YPEL1: variants seen among roughly 807,000 people sequenced by gnomAD.
YPEL1 encodes yippee like 1.
In YPEL1, 7 loss-of-function variants were observed where a neutral mutation model predicts 17.3. The ratio of observed to expected loss-of-function variants is 0.40; its 90% CI spans 0.23 to 0.76. The LOEUF is 0.76. YPEL1 is among the 30% of genes least tolerant of loss of function. The pLI, the probability that YPEL1 is intolerant of heterozygous loss-of-function variation, is 0.35. For synonymous variants in YPEL1, 59 were observed against 59.6 expected (o/e 0.99, Z 0.05); for missense variants, 91 against 155.5 (o/e 0.59, Z 2.21).
At position 21,701,074 on chromosome 22, in the gene YPEL1, C is replaced by G; in HGVS notation, c.*55G>C. ...ACCAGATGCTCCTACGTTTCCATTA[C>G]ATTCACAGTTTCTTTCACAAAACAG... On this transcript the variant is annotated 3_prime_UTR_variant, in exon 5 of 5. Coordinates refer to ENST00000339468, the MANE Select transcript of YPEL1 (RefSeq NM_013313.5). The G allele has an allele frequency of 6.6e-7, 1 of 1,507,648 alleles. No homozygotes were observed. The highest frequency in any genetic ancestry group is 9.2e-7 in the Non-Finnish European group (1 of 1,084,672). 93.4% of individuals were successfully genotyped at this position (1,507,648 alleles called of 1,614,324 possible). A position where few individuals can be genotyped will look rare whatever the true frequency, so the allele number is the denominator to read the frequency against.
Position 21,701,852 on chromosome 22 carries a change from G to C in YPEL1, c.271-634C>G, listed in dbSNP as rs545867166. On this transcript the variant is annotated intron_variant, in intron 4 of 4. Coordinates refer to ENST00000339468, the MANE Select transcript of YPEL1 (RefSeq NM_013313.5). ...AGGAAGGAGGATGACTTGAGTCCAG[G>C]AGTTTGAGACAAGCCTACGCAACAC... 3.2e-3 allele frequency among the ~76,000 whole-genome samples: 483 copies of C among 152,246 alleles called. 1 individual carries two copies. Among genetic ancestry groups the C allele is most frequent in the Non-Finnish European group, 5.0e-3 (339 of 68,018 alleles).
intron 4 of YPEL1, among the ~76,000 whole-genome samples, chr22:21,702,186 C>A (rs1263539469): frequency 2.2e-4 from 34 of 152,158 alleles, no homozygotes; most frequent in Admixed American, 2.2e-3. Flanking sequence ...AAGCGGCAGC[C>A]CCAGGTGTGG....
intron 1 of YPEL1, among the ~76,000 whole-genome samples, chr22:21,726,388 C>T (rs532745185): frequency 1.8e-4 from 28 of 152,300 alleles, no homozygotes; most frequent in African/African-American, 5.8e-4. Context: ...ATTCTCAGGC[C>T]GTTGAATTCT....
chr22:21,732,450 TTTTG>T (rs1399913356), intron 1 of YPEL1, among the ~76,000 whole-genome samples: 4 of 152,208 alleles, frequency 2.6e-5, no homozygotes, highest in Non-Finnish European at 2.9e-5. Flanking sequence ...TTCAAAACAA[TTTTG>T]TTTATTAGTC....
chr22:21,719,220 C>T (rs774297095), intron 1 of YPEL1, among the ~76,000 whole-genome samples: 7 of 152,184 alleles, frequency 4.6e-5, no homozygotes, highest in Non-Finnish European at 7.3e-5. Context: ...ACATGTCCCA[C>T]ACGGTGCACG....
chr22:21,722,283 GCA>G (rs2068290972), intron 1 of YPEL1, among the ~76,000 whole-genome samples: 1 of 152,146 alleles, frequency 6.6e-6, no homozygotes, highest in Non-Finnish European at 1.5e-5. Context: ...AGATGTGGTG[GCA>G]CGTGCCTGTA....
intron 1 of YPEL1, among the ~76,000 whole-genome samples, chr22:21,727,626 C>T (rs2068347643): frequency 6.6e-6 from 1 of 152,220 alleles, no homozygotes; most frequent in African/African-American, 2.4e-5. Context: ...GGCCCATGTC[C>T]ATATGGTGCC....
chr22:21,720,815 T>G (rs2068274292), intron 1 of YPEL1, among the ~76,000 whole-genome samples: 1 of 107,412 alleles, frequency 9.3e-6, no homozygotes, highest in Non-Finnish European at 2.3e-5. Context: ...CCGATTTTGT[T>G]TTTTTTTTTT....
chr22:21,729,434 C>T (rs2148615239), intron 1 of YPEL1, among the ~76,000 whole-genome samples: 1 of 144,050 alleles, frequency 6.9e-6, no homozygotes, highest in African/African-American at 2.5e-5. Context: ...CAGCAAGACC[C>T]CCATCTCTAA....
Position 21,703,847 on chromosome 22 carries a change from G to A in YPEL1, c.153C>T (p.Phe51=). The change falls in exon 3 of 5, where the codon TTC becomes TTT. Residue 51 remains phenylalanine, a synonymous_variant. Coordinates refer to ENST00000339468, the MANE Select transcript of YPEL1 (RefSeq NM_013313.5). The surrounding 1 kb of genome is among the most constrained non-coding windows in gnomAD (Gnocchi z 6.1). ...TGAACCAGGGTACTCACACGGAATT[G>A]AAGAGGTAGGCGCGTCCCTGGCTCC... ...FQGSQGRAYL[F]NSVVNVGCGP... 2.5e-6 allele frequency: 4 copies of A among 1,609,190 alleles called. No individual in the cohort carries two copies. Among genetic ancestry groups the A allele is most frequent in the Non-Finnish European group, 3.4e-6 (4 of 1,177,800 alleles).
At chr22:21,717,130 CCGGGGCTGGGGGGG>C (rs372092736) in intron 1 of YPEL1, among the ~76,000 whole-genome samples, 25,055 of 144,810 alleles carry the variant, frequency 0.17, 2,563 homozygotes, top group Middle Eastern at 0.26. Context: ...CTTTGGGAGG[CCGGGGCTGGGGGGG>C]CGGGGGGCGG....
rs369869251 is a variant in YPEL1, at chr22:21,725,171, A to G, written c.-165+10444T>C. Among the ~76,000 whole-genome samples, 4 of 150,402 alleles carry G rather than the reference A, an allele frequency of 2.7e-5. No homozygotes were observed. In the South Asian group the frequency reaches 6.3e-4, roughly 24 times the overall value. Reference sequence around the variant, plus strand: ...TGACCCACCTGCCTCAGCCTCACAAAGTGTTGGGATTACAGGCATGAGCCA... The same window carrying G: ...TGACCCACCTGCCTCAGCCTCACAAGGTGTTGGGATTACAGGCATGAGCCA... On this transcript the variant is annotated intron_variant, in intron 1 of 4. Coordinates refer to ENST00000339468, the MANE Select transcript of YPEL1 (RefSeq NM_013313.5).
chr22:21,729,943 A>G (rs1325809650), intron 1 of YPEL1, among the ~76,000 whole-genome samples: 4 of 151,862 alleles, frequency 2.6e-5, no homozygotes, highest in Admixed American at 2.6e-4. Context: ...AGGTCTGGAG[A>G]TCGAGACCAG....
intron 1 of YPEL1, among the ~76,000 whole-genome samples, chr22:21,711,456 T>C (rs970402992): frequency 2.0e-5 from 3 of 152,200 alleles, no homozygotes; most frequent in Non-Finnish European, 4.4e-5. Flanking sequence ...CAGGGCTGGA[T>C]GCACCCCACC....
chr22:21,731,976 A>T (rs553525786), intron 1 of YPEL1, among the ~76,000 whole-genome samples: 145 of 152,304 alleles, frequency 9.5e-4, no homozygotes, highest in African/African-American at 3.3e-3. Flanking sequence ...CACAAGCCCC[A>T]CCAGGAATCC....
intron 1 of YPEL1, among the ~76,000 whole-genome samples, chr22:21,716,959 G>A (rs1259969189): frequency 6.6e-6 from 1 of 152,176 alleles, no homozygotes; most frequent in African/African-American, 2.4e-5. Flanking sequence ...AGAAAAACAG[G>A]TGTAGACATT....
chr22:21,724,904 TTTTC>T (rs986025771), intron 1 of YPEL1, among the ~76,000 whole-genome samples: 15 of 151,584 alleles, frequency 9.9e-5, no homozygotes, highest in Admixed American at 5.3e-4. Flanking sequence ...TTATTTTACT[TTTTC>T]TTTCTTTTTT....
chr22:21,732,216 A>T (rs1206626014), intron 1 of YPEL1, among the ~76,000 whole-genome samples: 1 of 152,176 alleles, frequency 6.6e-6, no homozygotes, highest in African/African-American at 2.4e-5. Context: ...TCCTGAATCT[A>T]TCTCGCACTG....
At chr22:21,712,365 T>C (rs1217851147) in intron 1 of YPEL1, among the ~76,000 whole-genome samples, 1 of 51,592 alleles carries the variant, frequency 1.9e-5, no homozygotes, top group Admixed American at 2.2e-4. Flanking sequence ...TATTGGAATA[T>C]GTAAAAAAAA....
Sources: gnomAD v4.1 joint callset for allele counts (sites outside exome capture counted in the v4.1 genomes callset) on GRCh38, gnomAD v4.1.1 for gene constraint, Gnocchi (gnomAD v3.1) non-coding constraint, MANE v1.5 for transcripts, NCBI Gene and HGNC (gene_info 2026-07-23, HGNC 2026-07-21) for gene names.